NAALADL2: variants seen among roughly 807,000 people sequenced by gnomAD.
NAALADL2 encodes N-acetylated alpha-linked acidic dipeptidase like 2.
Under a neutral mutation model 87.2 loss-of-function variants are expected in NAALADL2, and 76 were observed. The ratio of observed to expected loss-of-function variants is 0.87; its 90% CI spans 0.72 to 1.05. The LOEUF is 1.05. Among genes scored for constraint, NAALADL2 ranks in the 50% least tolerant of loss-of-function variants. NAALADL2 has a pLI of 0.00. For synonymous variants in NAALADL2, 354 were observed against 331.0 expected (o/e 1.07, Z -0.75); for missense variants, 1,089 against 945.8 (o/e 1.15, Z -1.99).
chr3:174,998,445 G>A (rs1747820786), intron 1 of NAALADL2, among the ~76,000 whole-genome samples: 1 of 152,178 alleles, frequency 6.6e-6, no homozygotes, highest in East Asian at 1.9e-4. Context: ...TCCCTCAAGG[G>A]TCTGCAGTAG....
intron 2 of NAALADL2, among the ~76,000 whole-genome samples, chr3:174,722,470 A>G (rs1349297512): frequency 1.3e-5 from 2 of 152,204 alleles, no homozygotes; most frequent in African/African-American, 4.8e-5. Flanking sequence ...TGGGAGGCCA[A>G]GGCAGGTGGA....
intron 11 of NAALADL2, among the ~76,000 whole-genome samples, chr3:175,733,964 G>A (rs766157567): frequency 1.3e-5 from 2 of 152,160 alleles, no homozygotes; most frequent in Non-Finnish European, 2.9e-5. Flanking sequence ...GGGCAGCTCT[G>A]CCCATGTGGC....
chr3:175,720,573 C>G (rs1174072718), intron 11 of NAALADL2, among the ~76,000 whole-genome samples: 1 of 151,058 alleles, frequency 6.6e-6, no homozygotes, highest in African/African-American at 2.5e-5. Flanking sequence ...GATAATTTTC[C>G]AATATTCATT....
At chr3:174,718,666 G>A (rs1422079636) in intron 2 of NAALADL2, among the ~76,000 whole-genome samples, 2 of 152,146 alleles carry the variant, frequency 1.3e-5, no homozygotes, top group South Asian at 2.1e-4. Context: ...ACTTACCTAA[G>A]TTTCCCAGGA....
At chr3:175,061,419 C>A (rs1713458274) in intron 1 of NAALADL2, among the ~76,000 whole-genome samples, 1 of 152,124 alleles carries the variant, frequency 6.6e-6, no homozygotes, top group Non-Finnish European at 1.5e-5. Flanking sequence ...TCTGTTACAT[C>A]TGTTGCTGTT....
At chr3:175,409,722 G>A (rs1301649740) in intron 5 of NAALADL2, among the ~76,000 whole-genome samples, 4 of 151,768 alleles carry the variant, frequency 2.6e-5, no homozygotes, top group Non-Finnish European at 5.9e-5. Context: ...AAGTAGATAT[G>A]TATAGCATGT....
At position 175,718,186 on chromosome 3, in the gene NAALADL2, G is replaced by A. The variant is rs1360188476; in HGVS notation, c.1897-19120G>A. 2.6e-5 allele frequency: 33 copies of A among 1,247,366 alleles called. 1 individual carries two copies. Among genetic ancestry groups the A allele is most frequent in the Non-Finnish European group, 2.1e-5 (19 of 905,016 alleles). The allele number at this position is 1,247,366 out of a possible 1,614,324, so 77.3% of individuals were successfully genotyped here. ...TAAATCGAATGGAGGGGAAGGGGAAGGGCCTGTGGTTTTTTTTTTTTTTTT... is the reference window on the plus strand; with the variant it reads ...TAAATCGAATGGAGGGGAAGGGGAAAGGCCTGTGGTTTTTTTTTTTTTTTT... On this transcript the variant is annotated intron_variant, in intron 11 of 13. Coordinates refer to ENST00000454872, the MANE Select transcript of NAALADL2 (RefSeq NM_207015.3).
chr3:175,322,142 A>G (rs1275856997), intron 4 of NAALADL2, among the ~76,000 whole-genome samples: 1 of 151,098 alleles, frequency 6.6e-6, no homozygotes, highest in African/African-American at 2.4e-5. Context: ...AAACAGAGAT[A>G]CAGATCAATG....
At chr3:175,364,028 T>A (rs1765301967) in intron 5 of NAALADL2, among the ~76,000 whole-genome samples, 1 of 148,018 alleles carries the variant, frequency 6.8e-6, no homozygotes, top group Non-Finnish European at 1.5e-5. Context: ...CAGTTATAGT[T>A]GTGATTTCTG....
At chr3:175,709,438 T>C (rs955269348) in intron 11 of NAALADL2, among the ~76,000 whole-genome samples, 2 of 152,002 alleles carry the variant, frequency 1.3e-5, no homozygotes, top group African/African-American at 4.8e-5. Flanking sequence ...ACATAGCAAA[T>C]GGAGATCTTT....
rs1461858536 is a variant in NAALADL2 at position 175,174,841 on chromosome 3, CAG to C, written c.546-59088_546-59087del. On this transcript the variant is annotated intron_variant, in intron 2 of 13. Coordinates refer to ENST00000454872, the MANE Select transcript of NAALADL2 (RefSeq NM_207015.3). ...ATATGTATACACACACACATGCACA[CAG>C]ACACACACACACACACACACATATC... Among the ~76,000 whole-genome samples, 258 of 74,960 alleles carry C rather than the reference CAG, an allele frequency of 3.4e-3. 1 individual carries two copies. The highest frequency in any genetic ancestry group is 0.024 in the South Asian group (47 of 1,924). 49.2% of individuals were successfully genotyped at this position (74,960 alleles called of 152,430 possible).
chr3:175,123,875 T>C lies in NAALADL2; in HGVS notation c.545+26584T>C, dbSNP rs190912909. On this transcript the variant is annotated intron_variant, in intron 2 of 13. Transcript: ENST00000454872. The stretch of plus-strand genomic sequence containing the variant: ...TTTTGTTTTCTTCAACCATATCATG[T>C]TTCTTAAGAACAAAGCTATATGTTA... Among the ~76,000 whole-genome samples, 6 of 152,170 alleles carry C rather than the reference T, an allele frequency of 3.9e-5. No individual in the cohort carries two copies. In the East Asian group the frequency reaches 1.2e-3, roughly 29 times the overall value.
intron 1 of NAALADL2, among the ~76,000 whole-genome samples, chr3:175,088,902 A>G (rs1719559557): frequency 6.6e-6 from 1 of 152,216 alleles, no homozygotes; most frequent in African/African-American, 2.4e-5. Flanking sequence ...CATAGTAGGG[A>G]GTGGACAGGA....
At chr3:175,172,943 A>G (rs762291866) in intron 2 of NAALADL2, among the ~76,000 whole-genome samples, 5 of 152,152 alleles carry the variant, frequency 3.3e-5, no homozygotes, top group Admixed American at 6.5e-5. Context: ...GAATAAAAGT[A>G]CAGCTTTTCG....
chr3:174,537,270 G>A (rs1228349891), intron 1 of NAALADL2, among the ~76,000 whole-genome samples: 2 of 152,066 alleles, frequency 1.3e-5, no homozygotes, highest in Non-Finnish European at 2.9e-5. Context: ...TTTTATTATG[G>A]ATATTAAATT....
intron 4 of NAALADL2, among the ~76,000 whole-genome samples, chr3:175,292,106 CT>C (rs1755710920): frequency 6.6e-6 from 1 of 152,346 alleles, no homozygotes; most frequent in Non-Finnish European, 1.5e-5. Flanking sequence ...TGCTCTCTCT[CT>C]TCCCCATCTG....
chr3:174,916,885 A>G (rs929138383), intron 1 of NAALADL2, among the ~76,000 whole-genome samples: 1 of 152,144 alleles, frequency 6.6e-6, no homozygotes, highest in African/African-American at 2.4e-5. Flanking sequence ...AATTACTTAA[A>G]AAAGAGATTT....
Position 175,342,720 on chromosome 3 carries a change from A to G in NAALADL2, c.1090+18395A>G, listed in dbSNP as rs552977472. On this transcript the variant is annotated intron_variant, in intron 5 of 13. Transcript: ENST00000454872. ...ATAAATCAAAAGAAAAATGCTTTCC[A>G]TTATTTTTATTACTACCTTCCAACT... 4.6e-5 allele frequency among the ~76,000 whole-genome samples: 7 copies of G among 152,204 alleles called. No individual in the cohort carries two copies. The South Asian group carries it at 1.2e-3, about 27-fold the overall frequency.
At chr3:175,597,579 A>C (rs1378379638) in intron 10 of NAALADL2, among the ~76,000 whole-genome samples, 1 of 152,010 alleles carries the variant, frequency 6.6e-6, no homozygotes, top group Non-Finnish European at 1.5e-5. Flanking sequence ...ACATCAGGCT[A>C]TCTTGACCTC....
Sources: allele counts gnomAD v4.1 joint callset (sites outside exome capture counted in the v4.1 genomes callset), GRCh38; gene constraint gnomAD v4.1.1; transcripts MANE v1.5; gene names NCBI Gene and HGNC (gene_info 2026-07-23, HGNC 2026-07-21).